SLC1A3: variants seen among roughly 807,000 people sequenced by gnomAD.
SLC1A3 encodes the protein excitatory amino acid transporter 1.
SLC1A3 carries 21 observed loss-of-function variants against 48.1 expected under a neutral mutation model. The ratio of observed to expected loss-of-function variants is 0.44; its 90% CI spans 0.31 to 0.63. The LOEUF is 0.63. SLC1A3 is among the 20% of genes least tolerant of loss of function. The pLI is 0.08. For missense variants in SLC1A3, 546 were observed against 689.0 expected (o/e 0.79, Z 2.32); for synonymous variants, 239 against 251.4 (o/e 0.95, Z 0.47).
chr5:36,635,173 G>GAAAA (rs545440959), intron 3 of SLC1A3, among the ~76,000 whole-genome samples: 6 of 132,344 alleles, frequency 4.5e-5, no homozygotes, highest in African/African-American at 1.7e-4. Flanking sequence ...ACGTTGTATT[G>GAAAA]AAAAAAAAAA....
At chr5:36,626,955 G>T (rs1409835155) in intron 2 of SLC1A3, among the ~76,000 whole-genome samples, 1 of 151,998 alleles carries the variant, frequency 6.6e-6, no homozygotes, top group Non-Finnish European at 1.5e-5. Context: ...TTGTGAGGGG[G>T]GAGGGAAATT....
At chr5:36,623,876 A>G (rs953177017) in intron 2 of SLC1A3, among the ~76,000 whole-genome samples, 1 of 151,902 alleles carries the variant, frequency 6.6e-6, no homozygotes, top group South Asian at 2.1e-4. Flanking sequence ...AAAAAAAAAA[A>G]AAAGAAAAGA....
chr5:36,654,794 G>C (rs1157164607), intron 3 of SLC1A3, among the ~76,000 whole-genome samples: 3 of 152,200 alleles, frequency 2.0e-5, no homozygotes, highest in Admixed American at 1.3e-4. Context: ...AGGTGCCTAA[G>C]AAGGAAGTCA....
intron 1 of SLC1A3, among the ~76,000 whole-genome samples, chr5:36,598,813 G>C (rs558767504): frequency 6.6e-6 from 1 of 152,098 alleles, no homozygotes; most frequent in Non-Finnish European, 1.5e-5. Context: ...ATAGAGACTG[G>C]GACTGGGTTT....
chr5:36,626,722 G>C (rs1739919628), intron 2 of SLC1A3, among the ~76,000 whole-genome samples: 1 of 152,188 alleles, frequency 6.6e-6, no homozygotes, highest in Non-Finnish European at 1.5e-5. Flanking sequence ...ACTTATCTTT[G>C]TGTGACTTGG....
At chr5:36,639,600 C>T (rs747766084) in intron 3 of SLC1A3, among the ~76,000 whole-genome samples, 17 of 152,148 alleles carry the variant, frequency 1.1e-4, no homozygotes, top group Non-Finnish European at 2.1e-4. Flanking sequence ...GTTAGAGCAC[C>T]AAGCATGTGC....
At chr5:36,638,501 A>G (rs1314246458) in intron 3 of SLC1A3, among the ~76,000 whole-genome samples, 4 of 152,146 alleles carry the variant, frequency 2.6e-5, no homozygotes, top group Non-Finnish European at 4.4e-5. Context: ...AGTTAGCCCT[A>G]TTGATCCCTC....
chr5:36,660,458 C>T (rs75783542), intron 3 of SLC1A3, among the ~76,000 whole-genome samples: 11,579 of 152,238 alleles, frequency 0.076, 497 homozygotes, highest in Middle Eastern at 0.099. Context: ...ACAACTCCCT[C>T]CTAGAGAAGG....
chr5:36,671,706 C>G (rs1425777246), intron 4 of SLC1A3, among the ~76,000 whole-genome samples: 1 of 152,142 alleles, frequency 6.6e-6, no homozygotes, highest in Non-Finnish European at 1.5e-5. Context: ...TCTTGTCAAA[C>G]CTGTCCCAAG....
intron 9 of SLC1A3, among the ~76,000 whole-genome samples, chr5:36,684,807 T>A (rs1357485983): frequency 4.6e-5 from 7 of 152,216 alleles, no homozygotes; most frequent in African/African-American, 1.7e-4. Context: ...TGTGTTTGTG[T>A]CCTGACCTTG....
chr5:36,617,216 A>G (rs1739471594), intron 2 of SLC1A3, among the ~76,000 whole-genome samples: 1 of 152,206 alleles, frequency 6.6e-6, no homozygotes, highest in South Asian at 2.1e-4. Flanking sequence ...TACTCACTAT[A>G]AATCTGAACA....
rs965914540 is a variant in SLC1A3 at position 36,629,526 on chromosome 5, A to G, written c.258A>G (p.Glu86=). 2 of 1,612,396 alleles carry G rather than the reference A, an allele frequency of 1.2e-6. No individual in the cohort carries two copies. The highest frequency in any genetic ancestry group is 1.7e-6 in the Non-Finnish European group (2 of 1,179,058). ...REVKYFSFPG[E]LLMRMLQMLV... Reference sequence around the variant, plus strand: ...TCAAGTACTTCTCCTTTCCTGGGGAACTTCTGATGAGGATGTTACAGATGC... The same window carrying G: ...TCAAGTACTTCTCCTTTCCTGGGGAGCTTCTGATGAGGATGTTACAGATGC... Residue 86 remains glutamate, a synonymous_variant, in exon 3 of 10, where the codon GAA becomes GAG. Coordinates refer to ENST00000265113, the MANE Select transcript of SLC1A3 (RefSeq NM_004172.5).
At chr5:36,618,864 T>C (rs1209273965) in intron 2 of SLC1A3, among the ~76,000 whole-genome samples, 4 of 152,236 alleles carry the variant, frequency 2.6e-5, no homozygotes, top group Non-Finnish European at 5.9e-5. Flanking sequence ...AAAATAACAA[T>C]GGATTGGACA....
chr5:36,676,752 A>T, intron 5 of SLC1A3, 140 bp from the exon 6 acceptor site: 1 of 665,892 alleles, frequency 1.5e-6, no homozygotes, highest in Non-Finnish European at 2.5e-6. Context: ...TTAAAGAGAG[A>T]GAGAGACTTT....
chr5:36,631,482 A>G (rs1343616190), intron 3 of SLC1A3, among the ~76,000 whole-genome samples: 2 of 152,236 alleles, frequency 1.3e-5, no homozygotes, highest in African/African-American at 4.8e-5. Context: ...TTTTGGTCAA[A>G]ACTTGGAAAA....
chr5:36,617,023 G>C (rs556811867), intron 2 of SLC1A3, among the ~76,000 whole-genome samples: 1 of 152,114 alleles, frequency 6.6e-6, no homozygotes, highest in Non-Finnish European at 1.5e-5. Context: ...TGCTTTCCAC[G>C]AGACGATGGG....
At position 36,688,229 on chromosome 5, in the gene SLC1A3, C is replaced by T. The variant is rs1742732531; in HGVS notation, c.*1960C>T. On this transcript the variant is annotated 3_prime_UTR_variant, in exon 10 of 10. Transcript: ENST00000265113. ...AAAGGTCCTGTGGGGAGCCCATCCT[C>T]TCGCCAAGCCATCACAGGCTCTGCA... is the stretch of plus-strand genomic sequence containing the variant. 6.6e-6 allele frequency: 1 copy of T among 152,234 alleles called. No homozygotes were observed. Among genetic ancestry groups the T allele is most frequent in the Non-Finnish European group, 1.5e-5 (1 of 68,052 alleles). The allele number at this position is 152,234 out of a possible 1,614,324, so 9.4% of individuals were successfully genotyped here.
At chr5:36,607,110 G>GA (rs1434510826) in intron 1 of SLC1A3, 6 of 152,068 alleles carry the variant, frequency 3.9e-5, no homozygotes, top group Non-Finnish European at 7.4e-5. Flanking sequence ...AATCCAGTGT[G>GA]AAGTCTTAAA....
At chr5:36,648,286 A>C (rs145232023) in intron 3 of SLC1A3, among the ~76,000 whole-genome samples, 1 of 152,220 alleles carries the variant, frequency 6.6e-6, no homozygotes, top group Non-Finnish European at 1.5e-5. Context: ...CTTAAGTTTC[A>C]GAAATTTAAC....
Sources: allele counts gnomAD v4.1 joint callset (sites outside exome capture counted in the v4.1 genomes callset), GRCh38; gene constraint gnomAD v4.1.1; transcripts MANE v1.5; gene names NCBI Gene and HGNC (gene_info 2026-07-23, HGNC 2026-07-21).